XKR9: variants seen among roughly 807,000 people sequenced by gnomAD.
XKR9 encodes XK related 9.
Under a neutral mutation model 32.0 loss-of-function variants are expected in XKR9, and 32 were observed. The observed-to-expected ratio is 1.00, with a 90% CI of 0.76 to 1.34. The LOEUF (loss-of-function observed/expected upper bound fraction) is 1.34. Ranked by LOEUF, XKR9 falls within the 40% of genes most tolerant of loss-of-function variation. The pLI is 0.00. For missense variants in XKR9, 546 were observed against 429.7 expected (o/e 1.27, Z -2.39); for synonymous variants, 168 against 143.4 (o/e 1.17, Z -1.22).
chr8:70,888,307 T>G, the XKR9 span, among the ~76,000 whole-genome samples: 4 of 152,150 alleles, frequency 2.6e-5, no homozygotes, highest in East Asian at 7.7e-4. Context: ...CTTTTTTTTT[T>G]AGTTGGCTAT....
At chr8:70,807,624 C>G in the XKR9 span, among the ~76,000 whole-genome samples, 1 of 151,816 alleles carries the variant, frequency 6.6e-6, no homozygotes, top group Non-Finnish European at 1.5e-5. Flanking sequence ...TAGTCTCTGA[C>G]AAAACAGACT....
At chr8:70,912,271 A>G in the XKR9 span, among the ~76,000 whole-genome samples, 1 of 152,272 alleles carries the variant, frequency 6.6e-6, no homozygotes, top group Admixed American at 6.5e-5. Context: ...TCAGATTCAT[A>G]ATTTCATAAC....
the XKR9 span, among the ~76,000 whole-genome samples, chr8:70,897,100 A>AT: frequency 2.6e-5 from 4 of 151,880 alleles, no homozygotes; most frequent in Non-Finnish European, 5.9e-5. Flanking sequence ...AATTGTTTTA[A>AT]TTTTTAGCTC....
the XKR9 span, among the ~76,000 whole-genome samples, chr8:70,895,835 A>AG: frequency 6.6e-6 from 1 of 151,266 alleles, no homozygotes; most frequent in Non-Finnish European, 1.5e-5. Flanking sequence ...AAAAAAAAAA[A>AG]AAAGAAAAAA....
chr8:70,682,467 T>G (rs958390628), intron 3 of XKR9, among the ~76,000 whole-genome samples: 12 of 152,180 alleles, frequency 7.9e-5, no homozygotes, highest in Non-Finnish European at 1.8e-4. Flanking sequence ...GTACATTGTG[T>G]TATAAATTAT....
chr8:71,030,266 T>C, the XKR9 span, among the ~76,000 whole-genome samples: 1 of 152,192 alleles, frequency 6.6e-6, no homozygotes, highest in East Asian at 1.9e-4. Context: ...ATTACTGTAC[T>C]AAATACAGTA....
the XKR9 span, among the ~76,000 whole-genome samples, chr8:70,916,283 G>A: frequency 6.6e-6 from 1 of 152,132 alleles, no homozygotes; most frequent in African/African-American, 2.4e-5. Flanking sequence ...AAGTTTGTGT[G>A]CCTTTTCTTG....
chr8:70,925,199 T>A, the XKR9 span, among the ~76,000 whole-genome samples: 1 of 152,192 alleles, frequency 6.6e-6, no homozygotes, highest in Admixed American at 6.5e-5. Flanking sequence ...ATCATGTACT[T>A]AAATTTATCT....
the XKR9 span, among the ~76,000 whole-genome samples, chr8:70,851,279 G>A: frequency 2.0e-5 from 3 of 152,080 alleles, no homozygotes; most frequent in Non-Finnish European, 2.9e-5. Context: ...AAGGAAATAA[G>A]AGAGCACACA....
chr8:70,819,914 CA>C, the XKR9 span, among the ~76,000 whole-genome samples: 2 of 152,114 alleles, frequency 1.3e-5, no homozygotes, highest in African/African-American at 4.8e-5. Context: ...TGACAGCCTT[CA>C]AAAAGAGGAA....
chr8:70,839,591 T>G, the XKR9 span, among the ~76,000 whole-genome samples: 1 of 152,214 alleles, frequency 6.6e-6, no homozygotes, highest in East Asian at 1.9e-4. Context: ...CTGATATTCT[T>G]GCAAAATGTG....
the XKR9 span, among the ~76,000 whole-genome samples, chr8:70,863,767 G>T: frequency 1.3e-5 from 2 of 152,132 alleles, no homozygotes; most frequent in South Asian, 4.1e-4. Flanking sequence ...GAAACAAATG[G>T]ATTGTTTTAA....
the XKR9 span, among the ~76,000 whole-genome samples, chr8:70,886,650 GC>G: frequency 2.8e-5 from 4 of 144,606 alleles, no homozygotes; most frequent in Admixed American, 6.8e-5. Context: ...GTGATGATAA[GC>G]TTTTTTTTTC....
At chr8:70,775,916 T>C (rs1435259257) in intron 2 of XKR9, among the ~76,000 whole-genome samples, 1 of 152,052 alleles carries the variant, frequency 6.6e-6, no homozygotes, top group Non-Finnish European at 1.5e-5. Context: ...GGTTAAGTTT[T>C]AAATTTTTTT....
chr8:70,893,148 C>A, the XKR9 span, among the ~76,000 whole-genome samples: 1 of 152,008 alleles, frequency 6.6e-6, no homozygotes, highest in Non-Finnish European at 1.5e-5. Context: ...CATTGTACTT[C>A]ATTCATCAAA....
intron 2 of XKR9, among the ~76,000 whole-genome samples, chr8:70,744,065 C>T (rs1407215808): frequency 1.3e-5 from 2 of 152,088 alleles, no homozygotes; most frequent in Non-Finnish European, 2.9e-5. Context: ...TCTGCCAGCA[C>T]TTTGGGAGGC....
chr8:70,751,037 C>T (rs1586882749), intron 2 of XKR9, among the ~76,000 whole-genome samples: 1 of 152,156 alleles, frequency 6.6e-6, no homozygotes, highest in South Asian at 2.1e-4. Flanking sequence ...AGAATTCTGG[C>T]CTTCCGACTT....
At chr8:70,934,161 AC>A in the XKR9 span, among the ~76,000 whole-genome samples, 2 of 152,120 alleles carry the variant, frequency 1.3e-5, no homozygotes, top group South Asian at 4.1e-4. Context: ...AACTCTTAAG[AC>A]CCTTGCCTGG....
At chr8:70,978,893 T>C in the XKR9 span, among the ~76,000 whole-genome samples, 1 of 152,222 alleles carries the variant, frequency 6.6e-6, no homozygotes, top group Admixed American at 6.5e-5. Flanking sequence ...AGATTTGTTT[T>C]TTTCCCATAG....
Sources: gnomAD v4.1 joint callset for allele counts (sites outside exome capture counted in the v4.1 genomes callset) on GRCh38, gnomAD v4.1.1 for gene constraint, MANE v1.5 for transcripts, NCBI Gene and HGNC (gene_info 2026-07-23, HGNC 2026-07-21) for gene names.